The following SCAPER variants were observed in gnomAD, a reference collection of about 807,000 sequenced individuals.
SCAPER encodes S-phase cyclin A associated protein in the ER, also known as S phase cyclin A-associated protein in the endoplasmic reticulum.
Under a neutral mutation model 182.2 loss-of-function variants are expected in SCAPER, and 98 were observed. That is an observed-to-expected ratio of 0.54 (90% CI 0.46 to 0.64). The LOEUF is 0.64. Ranked by LOEUF, SCAPER falls within the 30% of genes least tolerant of loss-of-function variation. The pLI, the probability that SCAPER is intolerant of heterozygous loss-of-function variation, is 0.00. For missense variants in SCAPER, 1,432 were observed against 1,690.0 expected (o/e 0.85, Z 2.68); for synonymous variants, 605 against 564.6 (o/e 1.07, Z -1.01).
At chr15:76,759,222 A>C (rs919247196) in intron 14 of SCAPER, among the ~76,000 whole-genome samples, 26 of 152,320 alleles carry the variant, frequency 1.7e-4, no homozygotes, top group African/African-American at 6.0e-4. Flanking sequence ...GGGCGGTCTT[A>C]GTCTGTTTTG....
intron 3 of SCAPER, among the ~76,000 whole-genome samples, chr15:76,860,877 G>A (rs1428896318): frequency 6.6e-6 from 1 of 152,080 alleles, no homozygotes; most frequent in African/African-American, 2.4e-5. Context: ...TCAAAGAATG[G>A]AAACATGATT....
rs541148736 is a variant in SCAPER at position 76,685,322 on chromosome 15, TA to T, written c.2508+16435del. Among the ~76,000 whole-genome samples the T allele has an allele frequency of 1.3e-3, 191 of 144,926 alleles. 1 individual carries two copies. Among genetic ancestry groups the T allele is most frequent in the Admixed American group, 3.1e-3 (45 of 14,502 alleles). ...ACTATGGATATGAGCCAATGTGATT[TA>T]AAAAAAAAAAAGTAAATTTGAGTTA... On this transcript the variant is annotated intron_variant, in intron 20 of 31. Coordinates refer to ENST00000563290, the MANE Select transcript of SCAPER (RefSeq NM_020843.4).
chr15:76,518,491 C>T lies in SCAPER; in HGVS notation c.2839-13517G>A, dbSNP rs1378785897. Among the ~76,000 whole-genome samples, 4 of 152,210 alleles carry T rather than the reference C, an allele frequency of 2.6e-5. No homozygotes were observed. The East Asian group carries it at 7.7e-4, about 29-fold the overall frequency. ...ATCCTGTTAGCAAGTACTGGGTCTG[C>T]TTAATTTAGTCTAAAGGAAACGAAG... On this transcript the variant is annotated intron_variant, in intron 23 of 31. Coordinates refer to ENST00000563290, the MANE Select transcript of SCAPER (RefSeq NM_020843.4).
At chr15:76,441,809 G>A (rs1596640021) in intron 25 of SCAPER, among the ~76,000 whole-genome samples, 1 of 152,138 alleles carries the variant, frequency 6.6e-6, no homozygotes, top group South Asian at 2.1e-4. Flanking sequence ...CTGACATACT[G>A]TACATTATTT....
In SCAPER at chr15:76,354,721, A is replaced by C. The variant is rs548419357; in HGVS notation, c.3856-581T>G. 25 of 152,402 alleles carry C rather than the reference A, an allele frequency of 1.6e-4. No individual in the cohort carries two copies. The highest frequency in any genetic ancestry group is 3.2e-4 in the Non-Finnish European group (22 of 68,060). 9.4% of individuals were successfully genotyped at this position (152,402 alleles called of 1,614,324 possible). On this transcript the variant is annotated intron_variant, in intron 29 of 31. Coordinates refer to ENST00000563290, the MANE Select transcript of SCAPER (RefSeq NM_020843.4). This position sits in a 1 kb window ranked among gnomAD's most constrained non-coding sequence, Gnocchi z 4.4. ...ATCTATACTTCTTATCTTTGTTTCC[A>C]TCAGTGCCACTGAGTCTAAAAGGAG...
At chr15:76,572,919 T>TCTCACACACACACA (rs1477852757) in intron 23 of SCAPER, among the ~76,000 whole-genome samples, 14 of 135,170 alleles carry the variant, frequency 1.0e-4, no homozygotes, top group African/African-American at 3.7e-4. Flanking sequence ...TCTCTCTCTC[T>TCTCACACACACACA]CACACACACA....
chr15:76,762,363 T>G (rs547089216), intron 14 of SCAPER, among the ~76,000 whole-genome samples: 1 of 134,916 alleles, frequency 7.4e-6, no homozygotes, highest in African/African-American at 2.5e-5. Context: ...TATTTGATTG[T>G]GGGCTTTTTT....
chr15:76,720,739 G>A (rs1287764795), intron 17 of SCAPER, among the ~76,000 whole-genome samples: 3 of 152,212 alleles, frequency 2.0e-5, no homozygotes, highest in African/African-American at 7.2e-5. Context: ...TTTGAGAAGT[G>A]TCTGTTCATA....
chr15:76,638,814 C>A (rs1004458764), intron 21 of SCAPER, among the ~76,000 whole-genome samples: 1 of 152,076 alleles, frequency 6.6e-6, no homozygotes, highest in Non-Finnish European at 1.5e-5. Context: ...GAAAATATTC[C>A]TAGTGTGGTT....
intron 6 of SCAPER, among the ~76,000 whole-genome samples, 192 bp from the exon 7 acceptor site, chr15:76,800,556 C>G (rs1268692076): frequency 6.6e-6 from 1 of 152,162 alleles, no homozygotes; most frequent in Admixed American, 6.5e-5. Context: ...AGTGAGAAAT[C>G]ATAGTTGATA....
At chr15:76,771,122 C>A (rs2063444103) in intron 10 of SCAPER, among the ~76,000 whole-genome samples, 1 of 152,014 alleles carries the variant, frequency 6.6e-6, no homozygotes, top group Non-Finnish European at 1.5e-5. Context: ...GTGCCTATTT[C>A]TTTGGAAAGC....
chr15:76,452,421 G>A (rs906487363), intron 25 of SCAPER, among the ~76,000 whole-genome samples: 4 of 152,214 alleles, frequency 2.6e-5, no homozygotes, highest in Admixed American at 6.5e-5. Flanking sequence ...TAACATCAGC[G>A]TTTTGTTCAA....
chr15:76,870,180 G>C (rs1354216513), intron 2 of SCAPER, among the ~76,000 whole-genome samples: 1 of 152,156 alleles, frequency 6.6e-6, no homozygotes, highest in Non-Finnish European at 1.5e-5. Flanking sequence ...CCTAGTGTTA[G>C]ATAGATCAGA....
At chr15:76,358,912 G>A (rs913507751) in intron 29 of SCAPER, among the ~76,000 whole-genome samples, 5 of 152,216 alleles carry the variant, frequency 3.3e-5, no homozygotes, top group Non-Finnish European at 5.9e-5. Flanking sequence ...TACAGCTCAA[G>A]AGTGCTGGTG....
At chr15:76,392,539 C>G (rs1334213803) in intron 27 of SCAPER, among the ~76,000 whole-genome samples, 3 of 150,326 alleles carry the variant, frequency 2.0e-5, no homozygotes, top group Non-Finnish European at 4.4e-5. Context: ...AGTTCGACAC[C>G]AGCCTGGGCA....
chr15:76,794,376 G>A (rs1021782323), intron 8 of SCAPER, among the ~76,000 whole-genome samples: 4 of 152,008 alleles, frequency 2.6e-5, no homozygotes, highest in Non-Finnish European at 4.4e-5. Flanking sequence ...CAGAAACTAC[G>A]TTTTCTGATT....
chr15:76,808,824 G>A (rs572046562), intron 5 of SCAPER, among the ~76,000 whole-genome samples: 1 of 152,238 alleles, frequency 6.6e-6, no homozygotes, highest in African/African-American at 2.4e-5. Flanking sequence ...CAAAGCAATG[G>A]GTCAAAAGAC....
intron 23 of SCAPER, among the ~76,000 whole-genome samples, chr15:76,567,031 A>T (rs1027401706): frequency 2.0e-5 from 3 of 152,160 alleles, no homozygotes; most frequent in Non-Finnish European, 4.4e-5. Flanking sequence ...CATGATCCTG[A>T]TTTTTAGGAA....
chr15:76,670,074 T>C (rs2056902607), intron 20 of SCAPER, among the ~76,000 whole-genome samples: 1 of 152,284 alleles, frequency 6.6e-6, no homozygotes, highest in South Asian at 2.1e-4. Context: ...GGCATTCATA[T>C]TAATGTTAAT....
Sources: allele counts gnomAD v4.1 joint callset (sites outside exome capture counted in the v4.1 genomes callset), GRCh38; gene constraint gnomAD v4.1.1; non-coding constraint Gnocchi (gnomAD v3.1); transcripts MANE v1.5; gene names NCBI Gene and HGNC (gene_info 2026-07-23, HGNC 2026-07-21).